FA2H: variants seen among roughly 807,000 people sequenced by gnomAD.
FA2H encodes the protein fatty acid 2-hydroxylase, also known as fatty acid alpha-hydroxylase.
A neutral mutation model predicts 44.9 loss-of-function variants in FA2H; 22 were observed. The observed-to-expected ratio is 0.49, with a 90% CI of 0.35 to 0.70. FA2H has a LOEUF of 0.70. Ranked by LOEUF, FA2H falls within the 30% of genes least tolerant of loss-of-function variation. The pLI, the probability that FA2H is intolerant of heterozygous loss-of-function variation, is 0.01. For missense variants in FA2H, 501 were observed against 504.9 expected (o/e 0.99, Z 0.07); for synonymous variants, 243 against 213.2 (o/e 1.14, Z -1.22).
At chr16:74,743,084 T>C (rs542548616) in intron 1 of FA2H, among the ~76,000 whole-genome samples, 3 of 152,310 alleles carry the variant, frequency 2.0e-5, no homozygotes, top group Admixed American at 1.3e-4. Flanking sequence ...ACTCCTGTGC[T>C]CAAGTGATCC....
At chr16:74,727,477 C>T in intron 2 of FA2H, 91 bp from the exon 3 acceptor site, 12 of 1,383,858 alleles carry the variant, frequency 8.7e-6, no homozygotes, top group South Asian at 2.3e-5. Context: ...CAATCCCCTG[C>T]TCCTACCTCA....
At chr16:74,734,654 G>T (rs990780696) in intron 2 of FA2H, among the ~76,000 whole-genome samples, 3 of 152,194 alleles carry the variant, frequency 2.0e-5, no homozygotes, top group Non-Finnish European at 4.4e-5. Context: ...TGGTGCCCCG[G>T]TAGAAGGGGG....
chr16:74,768,099 A>G (rs1962841339), intron 1 of FA2H, among the ~76,000 whole-genome samples: 1 of 152,268 alleles, frequency 6.6e-6, no homozygotes, highest in African/African-American at 2.4e-5. Context: ...AGCATGTGTC[A>G]TAAGAAAAAA....
intron 2 of FA2H, among the ~76,000 whole-genome samples, chr16:74,733,194 G>A (rs937768855): frequency 6.6e-6 from 1 of 152,172 alleles, no homozygotes; most frequent in Non-Finnish European, 1.5e-5. Flanking sequence ...CACCCTGGAG[G>A]AATCCCAGGG....
chr16:74,747,690 C>T (rs549188191), intron 1 of FA2H, among the ~76,000 whole-genome samples: 2 of 152,066 alleles, frequency 1.3e-5, no homozygotes, highest in Non-Finnish European at 2.9e-5. Context: ...CAGCTGGCAG[C>T]CCCCAGCAGC....
intron 1 of FA2H, among the ~76,000 whole-genome samples, chr16:74,754,977 T>C (rs1175175702): frequency 6.6e-6 from 1 of 152,020 alleles, no homozygotes; most frequent in Non-Finnish European, 1.5e-5. Context: ...CCCATAAAGA[T>C]GGAGGCAGAG....
At position 74,740,155 on chromosome 16, in the gene FA2H, G is replaced by A. The variant is rs374481545; in HGVS notation, c.271-40C>T. The A allele has an allele frequency of 8.5e-5, 129 of 1,525,196 alleles. 1 individual carries two copies. In the South Asian group the frequency reaches 9.7e-4, roughly 12 times the overall value. The allele number at this position is 1,525,196 out of a possible 1,614,324, so 94.5% of individuals were successfully genotyped here. ...TACAAGAGGATTATACACAGTGGGT[G>A]AGGGAAGAGGGCAGAGCCCCGAGCT... On this transcript the variant is annotated intron_variant, in intron 1 of 6. Transcript: ENST00000219368.
intron 4 of FA2H, among the ~76,000 whole-genome samples, chr16:74,722,565 T>C (rs554350125): frequency 6.6e-6 from 1 of 151,744 alleles, no homozygotes; most frequent in East Asian, 1.9e-4. Context: ...AAAACGTAGG[T>C]TGGACTCATG....
intron 4 of FA2H, among the ~76,000 whole-genome samples, chr16:74,723,575 C>T (rs1298751182): frequency 6.6e-6 from 1 of 152,192 alleles, no homozygotes; most frequent in Non-Finnish European, 1.5e-5. Flanking sequence ...GCTGTGGTTA[C>T]TGACATCCAC....
intron 1 of FA2H, among the ~76,000 whole-genome samples, chr16:74,743,147 C>T (rs545209224): frequency 2.4e-4 from 36 of 152,268 alleles, no homozygotes; most frequent in Middle Eastern, 3.4e-3. Context: ...GCACCATGCC[C>T]GACCTCTATT....
chr16:74,729,165 C>T (rs1962024846), intron 2 of FA2H, among the ~76,000 whole-genome samples: 1 of 152,090 alleles, frequency 6.6e-6, no homozygotes, highest in Non-Finnish European at 1.5e-5. Flanking sequence ...CACATGCCAC[C>T]TCGCCCGCTA....
chr16:74,727,528 A>C, intron 2 of FA2H, 142 bp from the exon 3 acceptor site: 1 of 900,928 alleles, frequency 1.1e-6, no homozygotes, highest in Non-Finnish European at 1.8e-6. Context: ...CTCCTGCTTC[A>C]GTGATCAAGA....
intron 2 of FA2H, among the ~76,000 whole-genome samples, chr16:74,735,179 C>T (rs951073623): frequency 5.3e-5 from 8 of 152,336 alleles, no homozygotes; most frequent in Middle Eastern, 6.8e-3. Context: ...AGCCCAGGCT[C>T]GGCCAGGAGG....
At chr16:74,772,916 C>G (rs1962934639) in intron 1 of FA2H, among the ~76,000 whole-genome samples, 1 of 151,882 alleles carries the variant, frequency 6.6e-6, no homozygotes, top group Non-Finnish European at 1.5e-5. Context: ...AGCTCTCACT[C>G]TGTTGCTCAG....
intron 2 of FA2H, among the ~76,000 whole-genome samples, chr16:74,735,010 C>A (rs1286641701): frequency 6.6e-6 from 1 of 152,238 alleles, no homozygotes; most frequent in African/African-American, 2.4e-5. Context: ...AACCTGGTCG[C>A]TGGTCAGCTG....
chr16:74,741,720 C>T (rs1962299031), intron 1 of FA2H, among the ~76,000 whole-genome samples: 1 of 147,758 alleles, frequency 6.8e-6, no homozygotes, highest in Non-Finnish European at 1.5e-5. Flanking sequence ...CTCAGCCTCC[C>T]AAAGTGCTCG....
At chr16:74,730,615 A>C (rs574191977) in intron 2 of FA2H, among the ~76,000 whole-genome samples, 1 of 152,288 alleles carries the variant, frequency 6.6e-6, no homozygotes, top group Admixed American at 6.5e-5. Flanking sequence ...TGGAGGAACC[A>C]GCTGGTGGCC....
intron 1 of FA2H, among the ~76,000 whole-genome samples, chr16:74,770,519 C>T (rs1335173554): frequency 6.6e-6 from 1 of 152,156 alleles, no homozygotes; most frequent in African/African-American, 2.4e-5. Flanking sequence ...GCTGGGACTG[C>T]AGGCACGAGC....
In FA2H at chr16:74,716,524, T is replaced by C. The variant is rs573296085; in HGVS notation, c.862A>G (p.Met288Val). 22 of 1,612,730 alleles carry C rather than the reference T, an allele frequency of 1.4e-5. No homozygotes were observed. Among genetic ancestry groups the C allele is most frequent in the South Asian group, 9.9e-5 (9 of 90,972 alleles). The change falls in exon 6 of 7, where the codon ATG (methionine) becomes GTG (valine). Residue 288 changes from methionine to valine, a missense_variant. Coordinates refer to ENST00000219368, the MANE Select transcript of FA2H (RefSeq NM_024306.5). ...ACTGCCTCGGGCAGGATGAGCTGCATGCACAAGTAGAAGACGCCGATCACC... is the reference window on the plus strand; with the variant it reads ...ACTGCCTCGGGCAGGATGAGCTGCACGCACAAGTAGAAGACGCCGATCACC... The part of the protein sequence containing the change: ...SLVIGVFYLC[M>V]QLILPEAVGG...
Sources: allele counts gnomAD v4.1 joint callset (sites outside exome capture counted in the v4.1 genomes callset), GRCh38; gene constraint gnomAD v4.1.1; transcripts MANE v1.5; gene names NCBI Gene and HGNC (gene_info 2026-07-23, HGNC 2026-07-21).